Variants in CAPN9 observed in about 807,000 individuals in gnomAD.
The protein encoded by CAPN9 is calpain 9.
In CAPN9, 81 loss-of-function variants were observed where a neutral mutation model predicts 92.8. That is an observed-to-expected ratio of 0.87 (90% CI 0.73 to 1.05). CAPN9 has a LOEUF of 1.05. Ranked by LOEUF, CAPN9 falls within the 50% of genes least tolerant of loss-of-function variation. CAPN9 has a pLI of 0.00. For synonymous variants in CAPN9, 304 were observed against 328.0 expected, an observed-to-expected ratio of 0.93 and a Z score of 0.79; for missense variants, 848 against 866.2, an observed-to-expected ratio of 0.98 and a Z score of 0.26.
At chr1:230,779,489 T>A (rs886099047) in intron 9 of CAPN9, among the ~76,000 whole-genome samples, 1 of 152,158 alleles carries the variant, frequency 6.6e-6, no homozygotes, top group Non-Finnish European at 1.5e-5. Flanking sequence ...AATTCACTGT[T>A]CTGCCCTCTT....
intron 9 of CAPN9, 127 bp downstream of exon 9, chr1:230,779,260 GA>G: frequency 3.3e-5 from 27 of 820,924 alleles, no homozygotes; most frequent in East Asian, 1.0e-4. Context: ...AGTGACTGGG[GA>G]AAAAAGGCTG....
At chr1:230,801,493 T>A in intron 19 of CAPN9, 77 bp from the exon 20 acceptor site, 2 of 1,414,640 alleles carry the variant, frequency 1.4e-6, no homozygotes, top group Non-Finnish European at 2.0e-6. Flanking sequence ...ATCAGCAAAC[T>A]GGGGCCACTC....
At chr1:230,774,783 C>T in intron 8 of CAPN9, 152 bp downstream of exon 8, 1 of 611,096 alleles carries the variant, frequency 1.6e-6, no homozygotes, top group Non-Finnish European at 2.8e-6. Context: ...TTCTTATTGC[C>T]CAGGCTGGAG....
At chr1:230,771,821 T>C (rs1666404294) in intron 6 of CAPN9, among the ~76,000 whole-genome samples, 193 bp from the exon 7 acceptor site, 1 of 152,258 alleles carries the variant, frequency 6.6e-6, no homozygotes, top group Admixed American at 6.5e-5. Flanking sequence ...AATTATTCAA[T>C]AGGAATTAGA....
rs1668738761 is a variant in CAPN9 at position 230,801,746 on chromosome 1, T to A, written c.*150T>A. 1 of 753,870 alleles carries A rather than the reference T, an allele frequency of 1.3e-6. No individual in the cohort carries two copies. Among genetic ancestry groups the A allele is most frequent in the South Asian group, 1.5e-5 (1 of 65,264 alleles). 46.7% of individuals were successfully genotyped at this position (753,870 alleles called of 1,614,324 possible). A position where few individuals can be genotyped will look rare whatever the true frequency, so the allele number is the denominator to read the frequency against. On this transcript the variant is annotated 3_prime_UTR_variant, in exon 20 of 20. Transcript: ENST00000271971. ...TCCCTTCATCTTGATCTGGGAAGAATGAAATGAACTCAGCTACACTCTCTG... is the reference window on the plus strand; with the variant it reads ...TCCCTTCATCTTGATCTGGGAAGAAAGAAATGAACTCAGCTACACTCTCTG...
At chr1:230,751,676 AAAGAAAG>A (rs1664846732) in intron 1 of CAPN9, among the ~76,000 whole-genome samples, 7 of 132,430 alleles carry the variant, frequency 5.3e-5, no homozygotes, top group East Asian at 4.3e-4. Flanking sequence ...AGAAAGAAAG[AAAGAAAG>A]AAGGGTGGCT....
intron 18 of CAPN9, among the ~76,000 whole-genome samples, chr1:230,797,545 C>G (rs528765321): frequency 6.6e-6 from 1 of 152,148 alleles, no homozygotes; most frequent in Non-Finnish European, 1.5e-5. Context: ...TCCCCCACCC[C>G]GCTTTGGGTT....
chr1:230,790,853 T>C (rs935090370), intron 14 of CAPN9, among the ~76,000 whole-genome samples: 1 of 152,068 alleles, frequency 6.6e-6, no homozygotes, highest in African/African-American at 2.4e-5. Flanking sequence ...CGGGAAGCTG[T>C]GGCAGGAGAA....
At chr1:230,750,984 C>T (rs189275580) in intron 1 of CAPN9, among the ~76,000 whole-genome samples, 40 of 152,284 alleles carry the variant, frequency 2.6e-4, no homozygotes, top group African/African-American at 9.1e-4. Flanking sequence ...CGGGTGAGGT[C>T]TCCCAGCCTG....
intron 7 of CAPN9, among the ~76,000 whole-genome samples, 198 bp downstream of exon 7, chr1:230,772,297 G>T (rs1256727160): frequency 6.6e-6 from 1 of 152,214 alleles, no homozygotes; most frequent in Non-Finnish European, 1.5e-5. Context: ...TGATTCTCAA[G>T]AAAGACTTTT....
Position 230,763,451 on chromosome 1 carries a change from A to G in CAPN9, c.536+665A>G, listed in dbSNP as rs555144729. On this transcript the variant is annotated intron_variant, in intron 4 of 19. Coordinates refer to ENST00000271971, the MANE Select transcript of CAPN9 (RefSeq NM_006615.3). ...CAACACCACTCTACTTTCTGTTTTTATGATTTATCTAGTCTAGGAACCTCA... is the reference window on the plus strand; with the variant it reads ...CAACACCACTCTACTTTCTGTTTTTGTGATTTATCTAGTCTAGGAACCTCA... 3.9e-5 allele frequency among the ~76,000 whole-genome samples: 6 copies of G among 152,192 alleles called. No individual in the cohort carries two copies. In the East Asian group the frequency reaches 9.7e-4, roughly 25 times the overall value.
rs1381558820 is a variant in CAPN9 at position 230,800,268 on chromosome 1, AAG to A, written c.2047-1300_2047-1299del. 3.7e-5 allele frequency among the ~76,000 whole-genome samples: 5 copies of A among 135,450 alleles called. No homozygotes were observed. The East Asian group carries it at 8.1e-4, about 22-fold the overall frequency. 88.9% of individuals were successfully genotyped at this position (135,450 alleles called of 152,430 possible). A position where few individuals can be genotyped will look rare whatever the true frequency, so the allele number is the denominator to read the frequency against. On this transcript the variant is annotated intron_variant, in intron 19 of 19. Transcript: ENST00000271971. ...AAAGAAAGAAAGAAAGAAAGAAAGA[AAG>A]AAAGAAAGAAAGAAAGAAAGAAAGA...
intron 8 of CAPN9, among the ~76,000 whole-genome samples, chr1:230,777,685 A>G (rs1180645248): frequency 6.7e-6 from 1 of 149,270 alleles, no homozygotes. Context: ...CCACCACCCC[A>G]CTAACCCTGA....
intron 1 of CAPN9, among the ~76,000 whole-genome samples, chr1:230,750,930 G>A (rs538053122): frequency 6.6e-6 from 1 of 152,284 alleles, no homozygotes; most frequent in Middle Eastern, 3.4e-3. Context: ...AGGGACTGTG[G>A]ACCTGAGTGG....
chr1:230,778,847 C>A, intron 8 of CAPN9, 126 bp from the exon 9 acceptor site: 1 of 831,702 alleles, frequency 1.2e-6, no homozygotes. Context: ...ACTTTGCAGT[C>A]CCCCCACTCC....
Position 230,795,396 on chromosome 1 carries a change from T to TG in CAPN9, c.1987+119dup, listed in dbSNP as rs1668285426. On this transcript the variant is annotated intron_variant, in intron 18 of 19. Coordinates refer to ENST00000271971, the MANE Select transcript of CAPN9 (RefSeq NM_006615.3). ...GGCAAAGATAGACCACAGAGAGCCATGGTCTGATGTGTGTGGACCCATGGG... is the reference window on the plus strand; with the variant it reads ...GGCAAAGATAGACCACAGAGAGCCATGGGTCTGATGTGTGTGGACCCATGGG... 13 of 668,644 alleles carry TG rather than the reference T, an allele frequency of 1.9e-5. No individual in the cohort carries two copies. The Admixed American group carries it at 2.8e-4, about 14-fold the overall frequency. 41.4% of individuals were successfully genotyped at this position (668,644 alleles called of 1,614,324 possible). A position where few individuals can be genotyped will look rare whatever the true frequency, so the allele number is the denominator to read the frequency against.
At chr1:230,756,149 C>A (rs533823604) in intron 2 of CAPN9, among the ~76,000 whole-genome samples, 2 of 152,174 alleles carry the variant, frequency 1.3e-5, no homozygotes, top group East Asian at 1.9e-4. Context: ...TTGTGTGGAC[C>A]CTGACTTATT....
rs1300786903 is a variant in CAPN9 at position 230,801,908 on chromosome 1, A to C, written c.*312A>C. 1 of 414,342 alleles carries C rather than the reference A, an allele frequency of 2.4e-6. No individual in the cohort carries two copies. The highest frequency in any genetic ancestry group is 3.7e-5 in the East Asian group (1 of 26,816). The allele number at this position is 414,342 out of a possible 1,614,324, so 25.7% of individuals were successfully genotyped here. Reference sequence around the variant, plus strand: ...TTTCCTTCCATTAAGAATTACTCAGAGTTCTAACGCACAGAATCCTGACTT... The same window carrying C: ...TTTCCTTCCATTAAGAATTACTCAGCGTTCTAACGCACAGAATCCTGACTT... On this transcript the variant is annotated 3_prime_UTR_variant, in exon 20 of 20. Coordinates refer to ENST00000271971, the MANE Select transcript of CAPN9 (RefSeq NM_006615.3).
chr1:230,752,282 C>T (rs1411521368), intron 1 of CAPN9, among the ~76,000 whole-genome samples: 1 of 152,142 alleles, frequency 6.6e-6, no homozygotes, highest in Non-Finnish European at 1.5e-5. Flanking sequence ...TCCACACATG[C>T]GTCCGCAGAA....
Sources: allele counts gnomAD v4.1 joint callset (sites outside exome capture counted in the v4.1 genomes callset), GRCh38; gene constraint gnomAD v4.1.1; transcripts MANE v1.5; gene names NCBI Gene and HGNC (gene_info 2026-07-23, HGNC 2026-07-21).